Variants in CACNA1C observed in about 807,000 individuals in gnomAD.
CACNA1C encodes the protein calcium voltage-gated channel subunit alpha1 C.
In CACNA1C, 30 loss-of-function variants were observed where a neutral mutation model predicts 229.0. The ratio of observed to expected loss-of-function variants is 0.13; its 90% CI spans 0.10 to 0.18. The LOEUF is 0.18. CACNA1C is among the 10% of genes least tolerant of loss of function. The pLI is 1.00. For synonymous variants in CACNA1C, 1,114 were observed against 1,132.5 expected (o/e 0.98, Z 0.33); for missense variants, 1,658 against 2,845.0 (o/e 0.58, Z 9.49).
intron 1 of CACNA1C, among the ~76,000 whole-genome samples, chr12:1,976,699 C>A (rs2034473607): frequency 6.6e-6 from 1 of 152,088 alleles, no homozygotes; most frequent in African/African-American, 2.4e-5. Flanking sequence ...CCCTAGAGAG[C>A]TTTAGGGGTT....
At chr12:2,127,346 C>G (rs1345197539) in intron 3 of CACNA1C, among the ~76,000 whole-genome samples, 1 of 152,218 alleles carries the variant, frequency 6.6e-6, no homozygotes, top group Non-Finnish European at 1.5e-5. Context: ...CTGCAGTGAA[C>G]TGTGTTTTCT....
intron 1 of CACNA1C, among the ~76,000 whole-genome samples, chr12:2,083,353 G>A (rs866583662): frequency 6.6e-6 from 1 of 152,190 alleles, no homozygotes; most frequent in African/African-American, 2.4e-5. Flanking sequence ...AGCATTGCCA[G>A]GCAGCCTGTG....
At chr12:2,252,439 C>G (rs1053320208) in intron 3 of CACNA1C, among the ~76,000 whole-genome samples, 9 of 152,172 alleles carry the variant, frequency 5.9e-5, no homozygotes, top group African/African-American at 1.9e-4. Flanking sequence ...AGAGGACCCT[C>G]TGGGAGGCCA....
At chr12:2,244,244 T>C (rs1469259730) in intron 3 of CACNA1C, among the ~76,000 whole-genome samples, 1 of 152,260 alleles carries the variant, frequency 6.6e-6, no homozygotes, top group Non-Finnish European at 1.5e-5. Context: ...GAAGGGGCCT[T>C]CGGCTCCCCT....
At chr12:1,983,654 T>C (rs2036797314) in intron 1 of CACNA1C, among the ~76,000 whole-genome samples, 1 of 152,092 alleles carries the variant, frequency 6.6e-6, no homozygotes, top group Non-Finnish European at 1.5e-5. Context: ...AAGGTTTATC[T>C]TGGGGAATGT....
intron 3 of CACNA1C, among the ~76,000 whole-genome samples, chr12:2,391,906 C>T (rs1275060104): frequency 3.9e-5 from 6 of 152,218 alleles, no homozygotes; most frequent in Admixed American, 3.9e-4. Context: ...ATCAGGTGCT[C>T]AGCTGCCACG....
intron 1 of CACNA1C, among the ~76,000 whole-genome samples, chr12:2,097,900 C>T (rs1017003265): frequency 6.6e-6 from 1 of 152,174 alleles, no homozygotes; most frequent in African/African-American, 2.4e-5. Flanking sequence ...GGGGATGAGG[C>T]CGGCTGGAGA....
intron 29 of CACNA1C, among the ~76,000 whole-genome samples, chr12:2,625,905 ATAT>A (rs1223010057): frequency 2.6e-5 from 4 of 152,120 alleles, no homozygotes; most frequent in Non-Finnish European, 5.9e-5. Flanking sequence ...CTGCAATGAA[ATAT>A]TATTGCAACA....
intron 3 of CACNA1C, among the ~76,000 whole-genome samples, chr12:2,230,244 C>G (rs1191229599): frequency 1.3e-5 from 2 of 152,158 alleles, no homozygotes; most frequent in African/African-American, 4.8e-5. Context: ...AGCTCGCGGT[C>G]AGAGGTCGGG....
intron 30 of CACNA1C, among the ~76,000 whole-genome samples, chr12:2,640,513 G>A (rs73243579): frequency 0.032 from 4,921 of 152,320 alleles, 285 homozygotes; most frequent in African/African-American, 0.11. Context: ...TGGTTACAGG[G>A]AACAGAAGGC....
At chr12:2,454,616 G>T (rs985449600) in intron 4 of CACNA1C, among the ~76,000 whole-genome samples, 12 of 152,106 alleles carry the variant, frequency 7.9e-5, no homozygotes, top group Non-Finnish European at 1.8e-4. Flanking sequence ...GATCTGCTTG[G>T]TACCTGGAAA....
chr12:2,583,732 G>C (rs2061426047), intron 15 of CACNA1C, among the ~76,000 whole-genome samples: 1 of 152,306 alleles, frequency 6.6e-6, no homozygotes, highest in Middle Eastern at 3.4e-3. Context: ...ACTACATAAA[G>C]GGTCGTTGGG....
chr12:2,281,179 T>C (rs1178815238), intron 3 of CACNA1C, among the ~76,000 whole-genome samples: 1 of 140,700 alleles, frequency 7.1e-6, no homozygotes, highest in Non-Finnish European at 1.5e-5. Context: ...CCCCTTCACA[T>C]ATAGTACGGG....
rs1172857603 is a variant in CACNA1C at position 2,689,261 on chromosome 12, T to C, written c.6117+482T>C. Among the ~76,000 whole-genome samples the C allele has an allele frequency of 6.6e-6, 1 of 152,140 alleles. No homozygotes were observed. Among genetic ancestry groups the C allele is most frequent in the African/African-American group, 2.4e-5 (1 of 41,438 alleles). ...GCTTTCAGTCCCACTGTGCTCTGCC[T>C]GGTCAGAGCATCTAGTGCAATCCCG... On this transcript the variant is annotated intron_variant, in intron 46 of 46. Transcript: ENST00000399655. This position sits in a 1 kb window ranked among gnomAD's most constrained non-coding sequence, Gnocchi z 4.2.
intron 1 of CACNA1C, among the ~76,000 whole-genome samples, chr12:2,066,957 C>T (rs980699216): frequency 1.9e-4 from 29 of 151,914 alleles, no homozygotes; most frequent in Admixed American, 1.3e-3. Context: ...GAAGAGGGAA[C>T]GGTCAGTGGG....
chr12:2,659,228 C>T (rs904170840), intron 34 of CACNA1C, among the ~76,000 whole-genome samples: 3 of 151,978 alleles, frequency 2.0e-5, no homozygotes, highest in Non-Finnish European at 4.4e-5. Flanking sequence ...ACAGGTGCAC[C>T]GTATTTAAAT....
At chr12:2,449,945 A>G (rs1371492270) in intron 4 of CACNA1C, among the ~76,000 whole-genome samples, 1 of 152,164 alleles carries the variant, frequency 6.6e-6, no homozygotes. Flanking sequence ...CTCACTCTAC[A>G]GGGGGCCTGG....
chr12:2,423,930 G>T (rs1227558335), intron 3 of CACNA1C, among the ~76,000 whole-genome samples: 1 of 152,158 alleles, frequency 6.6e-6, no homozygotes, highest in Non-Finnish European at 1.5e-5. Context: ...TTATGCCATT[G>T]CTGTACTATG....
At chr12:2,606,541 C>T in intron 24 of CACNA1C, 70 bp from the exon 25 acceptor site, 1 of 1,259,134 alleles carries the variant, frequency 7.9e-7, no homozygotes, top group Admixed American at 2.0e-5. Flanking sequence ...TATGGAGATG[C>T]TCACTAATTG....
Sources: allele counts gnomAD v4.1 joint callset (sites outside exome capture counted in the v4.1 genomes callset), GRCh38; gene constraint gnomAD v4.1.1; non-coding constraint Gnocchi (gnomAD v3.1); transcripts MANE v1.5; gene names NCBI Gene and HGNC (gene_info 2026-07-23, HGNC 2026-07-21).